RAB40B: variants seen among roughly 807,000 people sequenced by gnomAD.
RAB40B encodes the protein ras-related protein Rab-40B.
In RAB40B, 21 loss-of-function variants were observed where a neutral mutation model predicts 24.0. The ratio of observed to expected loss-of-function variants is 0.88; its 90% CI spans 0.62 to 1.26. The LOEUF (loss-of-function observed/expected upper bound fraction) is 1.26. Ranked by LOEUF, RAB40B falls within the 50% of genes most tolerant of loss-of-function variation. The pLI is 0.00. For synonymous variants in RAB40B, 167 were observed against 169.8 expected, an observed-to-expected ratio of 0.98 and a Z score of 0.13; for missense variants, 348 against 390.5, an observed-to-expected ratio of 0.89 and a Z score of 0.92.
In RAB40B at chr17:82,657,811, A is replaced by G; in HGVS notation, c.*52T>C. The G allele has an allele frequency of 1.3e-6, 2 of 1,597,666 alleles. No homozygotes were observed. Among genetic ancestry groups the G allele is most frequent in the Non-Finnish European group, 1.7e-6 (2 of 1,166,666 alleles). ...GATGCATCCACCAGCTGCCGGGGGT[A>G]ACGCCGAGCTTCTCCTGGAGAGATT... is the stretch of plus-strand genomic sequence containing the variant. On this transcript the variant is annotated 3_prime_UTR_variant, in exon 6 of 6. Coordinates refer to ENST00000571995, the MANE Select transcript of RAB40B (RefSeq NM_006822.3).
intron 1 of RAB40B, among the ~76,000 whole-genome samples, chr17:82,686,473 A>G (rs1375721428): frequency 6.6e-6 from 1 of 152,226 alleles, no homozygotes; most frequent in Non-Finnish European, 1.5e-5. Context: ...TGGGCCCTAA[A>G]TCCAATGGCT....
chr17:82,666,461 T>C (rs2046258735), intron 1 of RAB40B, among the ~76,000 whole-genome samples: 1 of 151,396 alleles, frequency 6.6e-6, no homozygotes, highest in Admixed American at 6.6e-5. Flanking sequence ...GTCAGGCTGG[T>C]CTTGAACTCC....
rs199700140 is a variant in RAB40B, at chr17:82,657,977, G to C, written c.723C>G (p.Tyr241Ter). 6.2e-7 allele frequency: 1 copy of C among 1,614,068 alleles called. No homozygotes were observed. Among genetic ancestry groups the C allele is most frequent in the Non-Finnish European group, 8.5e-7 (1 of 1,180,044 alleles). The change falls in exon 6 of 6, where the codon TAC (tyrosine) becomes TAG (stop). Residue 241 changes from tyrosine to a stop codon, truncating the protein, a stop_gained. Transcript: ENST00000571995. LOFTEE classifies it low-confidence loss of function (END_TRUNC). ...TGTGGGTGGAGCTGGTGGTGAGGGA[G>C]TAGGAACCGCCGTGCATCATCCTGG... Reference protein sequence around the residue: ...LNARMMHGGSYSLTTSSTHKR... With the variant: ...LNARMMHGGS
chr17:82,675,600 G>C lies in RAB40B; in HGVS notation c.143-11044C>G, dbSNP rs1438745933. Among the ~76,000 whole-genome samples the C allele has an allele frequency of 6.6e-6, 1 of 152,162 alleles. No individual in the cohort carries two copies. The highest frequency in any genetic ancestry group is 6.5e-5 in the Admixed American group (1 of 15,268). On this transcript the variant is annotated intron_variant, in intron 1 of 5. Coordinates refer to ENST00000571995, the MANE Select transcript of RAB40B (RefSeq NM_006822.3). This position sits in a 1 kb window ranked among gnomAD's most constrained non-coding sequence, Gnocchi z 4.5. ...ACTTGTCATCACAGTTCTGGAGGCT[G>C]GAAGTTCTAGATCAAGGTCCAGGCA...
Position 82,692,769 on chromosome 17 carries a change from A to G in RAB40B, c.142+5686T>C, listed in dbSNP as rs988565764. Among the ~76,000 whole-genome samples the G allele has an allele frequency of 2.0e-5, 3 of 152,208 alleles. No individual in the cohort carries two copies. Among genetic ancestry groups the G allele is most frequent in the African/African-American group, 7.2e-5 (3 of 41,446 alleles). On this transcript the variant is annotated intron_variant, in intron 1 of 5. Coordinates refer to ENST00000571995, the MANE Select transcript of RAB40B (RefSeq NM_006822.3). This position sits in a 1 kb window ranked among gnomAD's most constrained non-coding sequence, Gnocchi z 4.0. ...CAGGACCCAAAGTCCTAACCACAAA[A>G]CACTGATAATTTGGATTATGTTAAA... is the stretch of plus-strand genomic sequence containing the variant.
At chr17:82,677,789 A>G (rs1361677206) in intron 1 of RAB40B, among the ~76,000 whole-genome samples, 1 of 152,224 alleles carries the variant, frequency 6.6e-6, no homozygotes, top group Non-Finnish European at 1.5e-5. Context: ...CTCTGACCCC[A>G]GATGAGGGCG....
At position 82,663,540 on chromosome 17, in the gene RAB40B, G is replaced by C. The variant is rs949794838; in HGVS notation, c.203+956C>G. Among the ~76,000 whole-genome samples the C allele has an allele frequency of 3.9e-5, 6 of 152,110 alleles. No homozygotes were observed. The highest frequency in any genetic ancestry group is 8.8e-5 in the Non-Finnish European group (6 of 67,982). Reference sequence around the variant, plus strand: ...CCCAAGGTGGGGGTGCTGGGGGAGGGAGAGGTGCCCCGGGCTTGCCCCAAG... The same window carrying C: ...CCCAAGGTGGGGGTGCTGGGGGAGGCAGAGGTGCCCCGGGCTTGCCCCAAG... On this transcript the variant is annotated intron_variant, in intron 2 of 5. Coordinates refer to ENST00000571995, the MANE Select transcript of RAB40B (RefSeq NM_006822.3). This position sits in a 1 kb window ranked among gnomAD's most constrained non-coding sequence, Gnocchi z 6.2.
rs898726965 is a variant in RAB40B at position 82,697,950 on chromosome 17, C to T, written c.142+505G>A. Among the ~76,000 whole-genome samples, 1 of 152,150 alleles carries T rather than the reference C, an allele frequency of 6.6e-6. No individual in the cohort carries two copies. Among genetic ancestry groups the T allele is most frequent in the African/African-American group, 2.4e-5 (1 of 41,444 alleles). On this transcript the variant is annotated intron_variant, in intron 1 of 5. Coordinates refer to ENST00000571995, the MANE Select transcript of RAB40B (RefSeq NM_006822.3). The surrounding 1 kb of genome is among the most constrained non-coding windows in gnomAD (Gnocchi z 4.9). ...CTGGTCTCCCCTCCCCTCCGACCCA[C>T]GCGCAGACCCAGCACCTGGGCGCCT...
chr17:82,669,242 G>A (rs930404605), intron 1 of RAB40B, among the ~76,000 whole-genome samples: 9 of 152,138 alleles, frequency 5.9e-5, no homozygotes, highest in South Asian at 2.1e-4. Flanking sequence ...TTGGGAGGCC[G>A]AGCGGGGTGG....
chr17:82,660,015 C>G (rs984954856), intron 3 of RAB40B, among the ~76,000 whole-genome samples: 3 of 152,258 alleles, frequency 2.0e-5, no homozygotes, highest in African/African-American at 7.2e-5. Context: ...CTCACGCACA[C>G]ACAGGCACTT....
At chr17:82,688,669 C>T (rs1343811457) in intron 1 of RAB40B, among the ~76,000 whole-genome samples, 1 of 152,036 alleles carries the variant, frequency 6.6e-6, no homozygotes, top group African/African-American at 2.4e-5. Flanking sequence ...CGTGGTGGCT[C>T]ACGCCTGTAA....
chr17:82,663,940 G>A lies in RAB40B; in HGVS notation c.203+556C>T, dbSNP rs1167962856. ...CACCACCTCCTTCAGAGAAGCCCTG[G>A]TGCAGCTGGGGCTGGGGGTGCTCCC... On this transcript the variant is annotated intron_variant, in intron 2 of 5. Coordinates refer to ENST00000571995, the MANE Select transcript of RAB40B (RefSeq NM_006822.3). This position sits in a 1 kb window ranked among gnomAD's most constrained non-coding sequence, Gnocchi z 6.2. 1.3e-5 allele frequency among the ~76,000 whole-genome samples: 2 copies of A among 152,146 alleles called. No homozygotes were observed. The highest frequency in any genetic ancestry group is 4.8e-5 in the African/African-American group (2 of 41,414).
intron 1 of RAB40B, among the ~76,000 whole-genome samples, chr17:82,678,253 C>T (rs1000614592): frequency 2.6e-5 from 4 of 152,130 alleles, no homozygotes; most frequent in Non-Finnish European, 4.4e-5. Flanking sequence ...GCAGTGTTAG[C>T]GTTAGGATAA....
chr17:82,671,162 C>G (rs1469161567), intron 1 of RAB40B, among the ~76,000 whole-genome samples: 1 of 149,606 alleles, frequency 6.7e-6, no homozygotes, highest in African/African-American at 2.5e-5. Context: ...CACACAGTCA[C>G]ACACATCCTG....
In RAB40B at chr17:82,664,526, A is replaced by G. The variant is rs2046229823; in HGVS notation, c.173T>C (p.Leu58Pro). 6.8e-6 allele frequency: 11 copies of G among 1,613,614 alleles called. No homozygotes were observed. Among genetic ancestry groups the G allele is most frequent in the Non-Finnish European group, 9.3e-6 (11 of 1,179,674 alleles). ...GIDYKTTTIL[L>P]DGRRVKLQLW... ...CTGCAGCTTCACCCGCCGCCCGTCCAGCAGGATGGTGGTCGTCTTGTAGTC... is the reference window on the plus strand; with the variant it reads ...CTGCAGCTTCACCCGCCGCCCGTCCGGCAGGATGGTGGTCGTCTTGTAGTC... The change falls in exon 2 of 6, where the codon CTG becomes CCG. Residue 58 changes from leucine (L) to proline (P), a missense_variant. Physicochemically the swap from Leu to Pro is moderately conservative, Grantham distance 98. Coordinates refer to ENST00000571995, the MANE Select transcript of RAB40B (RefSeq NM_006822.3).
In RAB40B at chr17:82,658,558, C is replaced by T. The variant is rs374410879; in HGVS notation, c.498G>A (p.Ser166=). The change falls in exon 5 of 6, where the codon TCG becomes TCA. Residue 166 remains serine, a synonymous_variant. Coordinates refer to ENST00000571995, the MANE Select transcript of RAB40B (RefSeq NM_006822.3). ...GCACGATCCTGGCCAGCTCCGTGAA[C>T]GACTCTGTGATGTTGAAATTGCACA... ...SPLCNFNITE[S]FTELARIVLL... 24 of 1,613,332 alleles carry T rather than the reference C, an allele frequency of 1.5e-5. No individual in the cohort carries two copies. The East Asian group carries it at 1.6e-4, about 10-fold the overall frequency.
At chr17:82,674,637 TAAA>T (rs34107818) in intron 1 of RAB40B, among the ~76,000 whole-genome samples, 24 of 143,604 alleles carry the variant, frequency 1.7e-4, no homozygotes, top group Admixed American at 2.1e-4. Context: ...AGACTCGTCT[TAAA>T]AAAAAAAAAA....
intron 5 of RAB40B, 75 bp downstream of exon 5, chr17:82,658,416 C>T (rs1320529872): frequency 2.6e-6 from 4 of 1,521,848 alleles, no homozygotes; most frequent in Non-Finnish European, 3.6e-6. Flanking sequence ...GAGGCAGACA[C>T]TTATCCAGGG....
chr17:82,689,981 A>AAG (rs58155276), intron 1 of RAB40B, among the ~76,000 whole-genome samples: 1 of 151,208 alleles, frequency 6.6e-6, no homozygotes, highest in African/African-American at 2.4e-5. Flanking sequence ...AAAAAAAAAA[A>AAG]GAAGTAGAAA....
Sources: allele counts gnomAD v4.1 joint callset (sites outside exome capture counted in the v4.1 genomes callset), GRCh38; gene constraint gnomAD v4.1.1; non-coding constraint Gnocchi (gnomAD v3.1); transcripts MANE v1.5; gene names NCBI Gene and HGNC (gene_info 2026-07-23, HGNC 2026-07-21).